Variants in CEP128 observed in about 807,000 individuals in gnomAD.
CEP128 encodes the protein centrosomal protein 128kDa.
Under a neutral mutation model 156.7 loss-of-function variants are expected in CEP128, and 132 were observed. That is an observed-to-expected ratio of 0.84 (90% CI 0.73 to 0.97). The LOEUF (loss-of-function observed/expected upper bound fraction) is 0.97. CEP128 is among the 50% of genes least tolerant of loss of function. The pLI is 0.00. For synonymous variants in CEP128, 469 were observed against 448.9 expected (o/e 1.04, Z -0.57); for missense variants, 1,252 against 1,281.9 (o/e 0.98, Z 0.36).
At chr14:80,578,540 T>C (rs957473619) in intron 20 of CEP128, among the ~76,000 whole-genome samples, 12 of 152,126 alleles carry the variant, frequency 7.9e-5, no homozygotes, top group Admixed American at 5.2e-4. Context: ...TGGAAGACAG[T>C]TTTATGATTT....
intron 2 of CEP128, among the ~76,000 whole-genome samples, chr14:80,919,995 T>C (rs965547942): frequency 1.3e-5 from 2 of 152,190 alleles, no homozygotes; most frequent in Non-Finnish European, 2.9e-5. Context: ...TATGAAACAT[T>C]CAGCAACTAT....
intron 19 of CEP128, among the ~76,000 whole-genome samples, chr14:80,599,831 A>G (rs1029980211): frequency 6.6e-6 from 1 of 152,204 alleles, no homozygotes; most frequent in Non-Finnish European, 1.5e-5. Flanking sequence ...ATTTTAATAA[A>G]GAGATCTAAA....
chr14:80,890,623 T>C (rs915141582), intron 8 of CEP128, among the ~76,000 whole-genome samples: 1 of 151,826 alleles, frequency 6.6e-6, no homozygotes, highest in African/African-American at 2.4e-5. Context: ...CTGGGGCCTG[T>C]TGCAGGGTGA....
intron 8 of CEP128, among the ~76,000 whole-genome samples, chr14:80,872,686 C>T (rs549047644): frequency 3.9e-5 from 6 of 152,284 alleles, no homozygotes; most frequent in Non-Finnish European, 7.4e-5. Context: ...AAATCTGAAG[C>T]AGGGGAAACA....
chr14:80,610,048 T>A (rs1393231336), intron 19 of CEP128, among the ~76,000 whole-genome samples: 1 of 152,122 alleles, frequency 6.6e-6, no homozygotes, highest in Non-Finnish European at 1.5e-5. Flanking sequence ...CATACAGTCA[T>A]CTCCCTTTAA....
downstream of CEP128, among the ~76,000 whole-genome samples, chr14:80,486,685 A>G (rs1255672258): frequency 1.3e-5 from 2 of 152,226 alleles, no homozygotes. Context: ...CAGAAACTCT[A>G]CAAGCCAGAA....
intron 4 of CEP128, among the ~76,000 whole-genome samples, chr14:80,907,423 G>A (rs1426735158): frequency 2.6e-5 from 4 of 152,074 alleles, no homozygotes; most frequent in Non-Finnish European, 5.9e-5. Flanking sequence ...AGTTTGGGAG[G>A]CTGAGGCGGC....
At chr14:80,715,681 A>G (rs1290467980) in intron 19 of CEP128, among the ~76,000 whole-genome samples, 1 of 152,156 alleles carries the variant, frequency 6.6e-6, no homozygotes, top group Non-Finnish European at 1.5e-5. Flanking sequence ...AAAGGAGGGA[A>G]AAGGAGTAAA....
chr14:80,518,047 C>T (rs58978494), intron 23 of CEP128, among the ~76,000 whole-genome samples: 1 of 150,974 alleles, frequency 6.6e-6, no homozygotes, highest in African/African-American at 2.4e-5. Context: ...ACCAGAAGGG[C>T]GTGCAGTTGC....
rs869034443 is a variant in CEP128 at position 80,801,906 on chromosome 14, TCC to T, written c.1210-8798_1210-8797del. On this transcript the variant is annotated intron_variant, in intron 13 of 24. Transcript: ENST00000555265. ...CTGGGTGACAGTGTGAGACTCTGTC[TCC>T]CCAAAAAAAAAAAAAAAAAAAAAAA... 1.9e-4 allele frequency among the ~76,000 whole-genome samples: 4 copies of T among 21,292 alleles called. 1 individual carries two copies. Among genetic ancestry groups the T allele is most frequent in the South Asian group, 3.1e-3 (2 of 640 alleles). 14.0% of individuals were successfully genotyped at this position (21,292 alleles called of 152,430 possible).
At chr14:80,900,777 A>G (rs555008799) in intron 6 of CEP128, among the ~76,000 whole-genome samples, 19 of 152,360 alleles carry the variant, frequency 1.2e-4, no homozygotes, top group African/African-American at 4.6e-4. Flanking sequence ...AAAAGATTAC[A>G]GTAGTATCCC....
intron 19 of CEP128, among the ~76,000 whole-genome samples, chr14:80,588,670 C>G (rs1008092796): frequency 2.6e-5 from 4 of 152,046 alleles, no homozygotes; most frequent in Admixed American, 1.3e-4. Context: ...ATCCCCTCCC[C>G]ACTTTGAGGC....
intron 16 of CEP128, among the ~76,000 whole-genome samples, chr14:80,775,566 C>G (rs780337505): frequency 6.6e-6 from 1 of 152,226 alleles, no homozygotes; most frequent in Non-Finnish European, 1.5e-5. Context: ...GACTTGACTA[C>G]ATAGTTTTAA....
At chr14:80,902,737 C>T (rs1883649288) in intron 6 of CEP128, among the ~76,000 whole-genome samples, 1 of 151,954 alleles carries the variant, frequency 6.6e-6, no homozygotes, top group Non-Finnish European at 1.5e-5. Flanking sequence ...AATGATTCAA[C>T]AATCAGAAAA....
At chr14:80,648,849 A>G (rs1894773658) in intron 19 of CEP128, among the ~76,000 whole-genome samples, 4 of 152,094 alleles carry the variant, frequency 2.6e-5, no homozygotes, top group African/African-American at 9.7e-5. Flanking sequence ...TTTGTGGGGA[A>G]AAAAGGTAAC....
chr14:80,622,848 T>C (rs1208155090), intron 19 of CEP128, among the ~76,000 whole-genome samples: 11 of 149,302 alleles, frequency 7.4e-5, no homozygotes, highest in Non-Finnish European at 1.2e-4. Context: ...GGAACACTTT[T>C]ACACTGTTGG....
chr14:80,534,010 GAACT>G (rs903104836), intron 21 of CEP128, among the ~76,000 whole-genome samples: 1 of 152,160 alleles, frequency 6.6e-6, no homozygotes, highest in African/African-American at 2.4e-5. Context: ...CACAAATGCT[GAACT>G]AACTAGGGCA....
chr14:80,949,518 G>T (rs1263951513), intron 2 of CEP128, among the ~76,000 whole-genome samples: 2 of 151,998 alleles, frequency 1.3e-5, no homozygotes, highest in Non-Finnish European at 2.9e-5. Flanking sequence ...GCTCACAGGG[G>T]ACCAGGAACA....
intron 23 of CEP128, among the ~76,000 whole-genome samples, chr14:80,510,565 T>C (rs1594929633): frequency 6.6e-6 from 1 of 152,128 alleles, no homozygotes; most frequent in South Asian, 2.1e-4. Flanking sequence ...ATTGACTTCT[T>C]CCTTTCCAAT....
Sources: gnomAD v4.1 joint callset for allele counts (sites outside exome capture counted in the v4.1 genomes callset) on GRCh38, gnomAD v4.1.1 for gene constraint, MANE v1.5 for transcripts, NCBI Gene and HGNC (gene_info 2026-07-23, HGNC 2026-07-21) for gene names.